MED13L: variants seen among roughly 807,000 people sequenced by gnomAD.
MED13L encodes mediator complex subunit 13L, also known as mediator of RNA polymerase II transcription subunit 13-like.
In MED13L, 7 loss-of-function variants were observed where a neutral mutation model predicts 220.9. The ratio of observed to expected loss-of-function variants is 0.03; its 90% CI spans 0.02 to 0.06. The LOEUF (loss-of-function observed/expected upper bound fraction) is 0.06. Ranked by LOEUF, MED13L falls within the 10% of genes least tolerant of loss-of-function variation. The probability of loss-of-function intolerance (pLI) is 1.00; values close to 1 mark genes in which losing one functional copy is unlikely to be tolerated. For missense variants in MED13L, 1,965 were observed against 2,760.5 expected, an observed-to-expected ratio of 0.71 and a Z score of 6.46; for synonymous variants, 1,011 against 1,015.2, an observed-to-expected ratio of 1.00 and a Z score of 0.08.
intron 2 of MED13L, among the ~76,000 whole-genome samples, chr12:116,225,722 T>C (rs553356910): frequency 1.2e-4 from 18 of 152,258 alleles, no homozygotes; most frequent in Middle Eastern, 3.4e-3. Context: ...AAGTTCAAGA[T>C]TACCTGTGAA....
chr12:116,175,148 A>G (rs968387807), intron 2 of MED13L, among the ~76,000 whole-genome samples: 2 of 152,198 alleles, frequency 1.3e-5, no homozygotes, highest in Non-Finnish European at 2.9e-5. Flanking sequence ...AAGAAAAAAA[A>G]GAGTATTAAG....
chr12:116,107,375 A>G (rs1873676064), intron 3 of MED13L, among the ~76,000 whole-genome samples: 2 of 152,246 alleles, frequency 1.3e-5, no homozygotes, highest in South Asian at 4.1e-4. Context: ...TGAAAGGTGA[A>G]AATATTTAAA....
At chr12:116,161,579 C>G (rs535707941) in intron 2 of MED13L, among the ~76,000 whole-genome samples, 19 of 152,154 alleles carry the variant, frequency 1.2e-4, no homozygotes, top group Non-Finnish European at 2.2e-4. Context: ...AGAACAAGGC[C>G]TCTCCCCGTC....
chr12:115,983,194 C>T lies in MED13L; in HGVS notation c.4878G>A (p.Thr1626=), dbSNP rs747696659. 11 of 1,614,132 alleles carry T rather than the reference C, an allele frequency of 6.8e-6. No individual in the cohort carries two copies. The highest frequency in any genetic ancestry group is 1.1e-5 in the South Asian group (1 of 91,068). Residue 1626 remains threonine, a synonymous_variant, in exon 21 of 31, where the codon ACG becomes ACA. Coordinates refer to ENST00000281928, the MANE Select transcript of MED13L (RefSeq NM_015335.5). ...CTCCACCACAGCCTATGTTCCCTTG[C>T]GTTCTATCCGCAGAAATGCCCCCAG... ...PSTGGISADR[T]QGNIGCGGDT...
chr12:116,164,586 C>A (rs1879115300), intron 2 of MED13L, among the ~76,000 whole-genome samples: 1 of 152,174 alleles, frequency 6.6e-6, no homozygotes, highest in Non-Finnish European at 1.5e-5. Flanking sequence ...ATCTCCCACA[C>A]TTGGTCACAG....
At chr12:116,267,805 G>A (rs971086151) in intron 1 of MED13L, among the ~76,000 whole-genome samples, 4 of 152,192 alleles carry the variant, frequency 2.6e-5, no homozygotes, top group African/African-American at 7.2e-5. Context: ...TCTATAGGTT[G>A]CCTACTATGC....
At chr12:116,244,004 T>G (rs532922795) in intron 1 of MED13L, among the ~76,000 whole-genome samples, 1 of 152,190 alleles carries the variant, frequency 6.6e-6, no homozygotes, top group African/African-American at 2.4e-5. Flanking sequence ...TGCCAGAAGA[T>G]AGTCAACATT....
intron 17 of MED13L, among the ~76,000 whole-genome samples, chr12:115,987,942 T>C (rs1877809416): frequency 6.6e-6 from 1 of 152,184 alleles, no homozygotes; most frequent in African/African-American, 2.4e-5. Context: ...ATTTGAAAGT[T>C]GTCTGAACTC....
chr12:116,055,085 C>G (rs903918077), intron 4 of MED13L, among the ~76,000 whole-genome samples: 4 of 152,224 alleles, frequency 2.6e-5, no homozygotes, highest in African/African-American at 9.6e-5. Context: ...AAAGTATACG[C>G]TATTAACTAA....
rs1566007560 is a variant in MED13L at position 116,008,793 on chromosome 12, C to G, written c.1620G>C (p.Met540Ile). 2 of 1,613,810 alleles carry G rather than the reference C, an allele frequency of 1.2e-6. No individual in the cohort carries two copies. Among genetic ancestry groups the G allele is most frequent in the Admixed American group, 1.7e-5 (1 of 59,986 alleles). The change falls in exon 10 of 31, where the codon ATG (methionine) becomes ATC (isoleucine). Residue 540 changes from methionine (M) to isoleucine (I), a missense_variant. Around this residue, in one of 10 missense-constraint regions of MED13L, gnomAD observed 818 missense variants for 1,041.2 expected, o/e 0.79. Transcript: ENST00000281928. ...GAGGTGAATCCATAGGATTCAGATT[C>G]ATTTGCTTGCTTGTATTTCTGGAAG... ...AVPSRNTSKQ[M>I]NLNPMDSPHS...
chr12:116,238,444 TA>T (rs1276462672), intron 1 of MED13L, among the ~76,000 whole-genome samples: 1 of 152,104 alleles, frequency 6.6e-6, no homozygotes, highest in Non-Finnish European at 1.5e-5. Flanking sequence ...TCTTAAATCT[TA>T]AGTTAAGAGC....
chr12:116,113,841 G>T (rs1419504301), intron 2 of MED13L, among the ~76,000 whole-genome samples: 2 of 59,026 alleles, frequency 3.4e-5, no homozygotes, highest in Non-Finnish European at 6.0e-5. Context: ...AGGGAGGGGG[G>T]AAGAGAGAGA....
intron 2 of MED13L, among the ~76,000 whole-genome samples, chr12:116,211,889 T>C (rs1378765555): frequency 1.3e-5 from 2 of 152,220 alleles, no homozygotes; most frequent in African/African-American, 2.4e-5. Flanking sequence ...TCTAATAGCA[T>C]TGTGACATAT....
intron 25 of MED13L, among the ~76,000 whole-genome samples, chr12:115,973,427 C>G (rs1032834998): frequency 7.9e-5 from 12 of 152,162 alleles, no homozygotes; most frequent in African/African-American, 2.9e-4. Context: ...TATTCCTGAA[C>G]ATACATTTTC....
intron 1 of MED13L, among the ~76,000 whole-genome samples, chr12:116,272,871 C>T (rs1404732376): frequency 6.6e-6 from 1 of 152,146 alleles, no homozygotes; most frequent in Non-Finnish European, 1.5e-5. Flanking sequence ...TATTTACTAG[C>T]AATTGGAGGT....
chr12:116,185,316 A>T (rs1448589926), intron 2 of MED13L, among the ~76,000 whole-genome samples: 15 of 152,128 alleles, frequency 9.9e-5, no homozygotes. Flanking sequence ...ACGAATAACA[A>T]GACCTACTTG....
intron 2 of MED13L, among the ~76,000 whole-genome samples, chr12:116,203,833 A>G (rs914364303): frequency 3.3e-5 from 5 of 152,172 alleles, no homozygotes; most frequent in African/African-American, 1.2e-4. Flanking sequence ...AAAAACACAA[A>G]AAGAAAAAGA....
At chr12:116,255,477 G>A (rs1048738851) in intron 1 of MED13L, among the ~76,000 whole-genome samples, 1 of 152,194 alleles carries the variant, frequency 6.6e-6, no homozygotes, top group African/African-American at 2.4e-5. Context: ...GGATGGCAAA[G>A]ATGTCTTAGG....
intron 2 of MED13L, among the ~76,000 whole-genome samples, chr12:116,210,583 A>G (rs1056393962): frequency 2.3e-5 from 3 of 130,422 alleles, no homozygotes; most frequent in African/African-American, 8.6e-5. Context: ...ATATATATAT[A>G]TTTCTATAGT....
Sources: gnomAD v4.1 joint callset for allele counts (sites outside exome capture counted in the v4.1 genomes callset) on GRCh38, gnomAD v4.1.1 for gene constraint, gnomAD v4.1.1 regional missense constraint, MANE v1.5 for transcripts, NCBI Gene and HGNC (gene_info 2026-07-23, HGNC 2026-07-21) for gene names.